Variants in CAMKMT observed in about 807,000 individuals in gnomAD.
CAMKMT encodes calmodulin-lysine N-methyltransferase.
Under a neutral mutation model 48.0 loss-of-function variants are expected in CAMKMT, and 53 were observed. The observed-to-expected ratio is 1.10, with a 90% CI of 0.89 to 1.39. The LOEUF (loss-of-function observed/expected upper bound fraction) is 1.39, where lower values mean the gene tolerates loss of function less well. Ranked by LOEUF, CAMKMT falls within the 40% of genes most tolerant of loss-of-function variation. The pLI, the probability that CAMKMT is intolerant of heterozygous loss-of-function variation, is 0.00. For synonymous variants in CAMKMT, 165 were observed against 152.3 expected (o/e 1.08, Z -0.61); for missense variants, 428 against 402.7 (o/e 1.06, Z -0.54).
At chr2:44,735,096 A>G (rs951352230) in intron 7 of CAMKMT, among the ~76,000 whole-genome samples, 8 of 152,326 alleles carry the variant, frequency 5.3e-5, no homozygotes, top group African/African-American at 1.9e-4. Flanking sequence ...AACATTGTAA[A>G]GTGATCTTCC....
intron 3 of CAMKMT, among the ~76,000 whole-genome samples, chr2:44,529,375 A>C (rs1666344222): frequency 6.6e-6 from 1 of 152,320 alleles, no homozygotes; most frequent in African/African-American, 2.4e-5. Context: ...TGAAAATGAA[A>C]AGCTTCCCTG....
At chr2:44,722,740 A>G (rs1404839590) in intron 7 of CAMKMT, among the ~76,000 whole-genome samples, 2 of 152,252 alleles carry the variant, frequency 1.3e-5, no homozygotes, top group Non-Finnish European at 2.9e-5. Context: ...GAGATGGTAT[A>G]TAATTGTACT....
chr2:44,497,243 A>G (rs1357983791), intron 3 of CAMKMT, among the ~76,000 whole-genome samples: 5 of 152,182 alleles, frequency 3.3e-5, no homozygotes. Flanking sequence ...TTTCACAAGA[A>G]ATATTTTGTG....
At chr2:44,735,561 A>T (rs1045924740) in intron 7 of CAMKMT, among the ~76,000 whole-genome samples, 114 of 152,030 alleles carry the variant, frequency 7.5e-4, no homozygotes, top group African/African-American at 2.7e-3. Flanking sequence ...ATGTATCTTT[A>T]ACTTATCACA....
intron 3 of CAMKMT, among the ~76,000 whole-genome samples, chr2:44,581,985 C>T (rs1038801275): frequency 2.6e-5 from 4 of 152,196 alleles, no homozygotes; most frequent in Non-Finnish European, 5.9e-5. Context: ...GGCAACAAAG[C>T]GAGACTCCGT....
intron 3 of CAMKMT, among the ~76,000 whole-genome samples, chr2:44,470,904 TTTTC>T (rs1668378333): frequency 6.6e-6 from 1 of 152,116 alleles, no homozygotes; most frequent in South Asian, 2.1e-4. Flanking sequence ...ATGTTTATCT[TTTTC>T]TTATTGGATT....
At chr2:44,561,449 A>G (rs1486698628) in intron 3 of CAMKMT, among the ~76,000 whole-genome samples, 2 of 152,144 alleles carry the variant, frequency 1.3e-5, no homozygotes, top group African/African-American at 4.8e-5. Context: ...TTTACTTATT[A>G]TTCATCACTA....
intron 3 of CAMKMT, among the ~76,000 whole-genome samples, chr2:44,430,767 C>G (rs976110268): frequency 1.4e-4 from 21 of 151,934 alleles, no homozygotes; most frequent in African/African-American, 5.1e-4. Context: ...TTTGGCTTTA[C>G]TGTTAAAAGT....
chr2:44,757,765 T>C (rs1321595056), intron 9 of CAMKMT, among the ~76,000 whole-genome samples: 1 of 152,110 alleles, frequency 6.6e-6, no homozygotes, highest in Non-Finnish European at 1.5e-5. Context: ...GTTTCACCTA[T>C]GTTGATCAGG....
chr2:44,378,487 T>A lies in CAMKMT; in HGVS notation c.311+5599T>A, dbSNP rs1241699492. On this transcript the variant is annotated intron_variant, in intron 2 of 10. Transcript: ENST00000378494. Reference sequence around the variant, plus strand: ...CTAGAATTAAGTTTGTTTGTTTGTTTGTTTGTTTGTTTGTTTGTTTGTTTT... The same window carrying A: ...CTAGAATTAAGTTTGTTTGTTTGTTAGTTTGTTTGTTTGTTTGTTTGTTTT... 2.1e-3 allele frequency among the ~76,000 whole-genome samples: 320 copies of A among 151,482 alleles called. 2 individuals are homozygous for A. Among genetic ancestry groups the A allele is most frequent in the African/African-American group, 7.6e-3 (314 of 41,170 alleles).
At chr2:44,640,447 C>T (rs980317526) in intron 3 of CAMKMT, among the ~76,000 whole-genome samples, 2 of 152,090 alleles carry the variant, frequency 1.3e-5, no homozygotes, top group Non-Finnish European at 2.9e-5. Context: ...ATAATTTAAC[C>T]GCATGGGCTT....
At chr2:44,585,093 A>C (rs1470652591) in intron 3 of CAMKMT, among the ~76,000 whole-genome samples, 2 of 152,116 alleles carry the variant, frequency 1.3e-5, no homozygotes, top group Admixed American at 6.5e-5. Flanking sequence ...TGATTAAACC[A>C]AAGTAGTTTT....
chr2:44,370,603 G>A (rs111603743), intron 1 of CAMKMT, among the ~76,000 whole-genome samples: 11 of 151,762 alleles, frequency 7.2e-5, no homozygotes, highest in African/African-American at 1.9e-4. Context: ...ACAACGTTTA[G>A]TATTATCGAT....
intron 3 of CAMKMT, among the ~76,000 whole-genome samples, chr2:44,615,254 A>G (rs1209408085): frequency 6.6e-6 from 1 of 152,092 alleles, no homozygotes; most frequent in African/African-American, 2.4e-5. Context: ...TTAACATGCC[A>G]GATGACTTTC....
intron 3 of CAMKMT, among the ~76,000 whole-genome samples, chr2:44,521,518 A>G (rs893666343): frequency 3.9e-5 from 6 of 152,094 alleles, no homozygotes; most frequent in African/African-American, 1.4e-4. Context: ...TGACCTCGTG[A>G]TTCACCCGCC....
chr2:44,434,447 A>G (rs890396965), intron 3 of CAMKMT, among the ~76,000 whole-genome samples: 2 of 152,106 alleles, frequency 1.3e-5, no homozygotes, highest in African/African-American at 4.8e-5. Context: ...CTCATTTAGG[A>G]TATTTGGACT....
chr2:44,697,240 A>G (rs1202354747), intron 3 of CAMKMT, among the ~76,000 whole-genome samples: 2 of 152,060 alleles, frequency 1.3e-5, no homozygotes, highest in Non-Finnish European at 1.5e-5. Flanking sequence ...TTTTCAAGAA[A>G]CTACTGGAGG....
At chr2:44,626,812 C>G (rs2103953024) in intron 3 of CAMKMT, among the ~76,000 whole-genome samples, 1 of 152,266 alleles carries the variant, frequency 6.6e-6, no homozygotes, top group Admixed American at 6.5e-5. Flanking sequence ...AGACCATGTC[C>G]TGTATGAATA....
chr2:44,629,864 A>T (rs1215808163), intron 3 of CAMKMT, among the ~76,000 whole-genome samples: 1 of 152,088 alleles, frequency 6.6e-6, no homozygotes, highest in Admixed American at 6.6e-5. Flanking sequence ...CAAGCTACCA[A>T]TGACTTTCTT....
Sources: gnomAD v4.1 joint callset for allele counts (sites outside exome capture counted in the v4.1 genomes callset) on GRCh38, gnomAD v4.1.1 for gene constraint, MANE v1.5 for transcripts, NCBI Gene and HGNC (gene_info 2026-07-23, HGNC 2026-07-21) for gene names.